Variants in CLCN5 observed in about 807,000 individuals in gnomAD.
The protein encoded by CLCN5 is H(+)/Cl(-) exchange transporter 5.
CLCN5 carries 17 observed loss-of-function variants against 54.0 expected under a neutral mutation model. That is an observed-to-expected ratio of 0.31 (90% CI 0.22 to 0.47). CLCN5 has a LOEUF of 0.47. CLCN5 is among the 20% of genes least tolerant of loss of function. CLCN5 has a pLI of 1.00. For missense variants in CLCN5, 448 were observed against 646.7 expected (o/e 0.69, Z 3.33); for synonymous variants, 222 against 233.0 (o/e 0.95, Z 0.43).
chrX:50,095,834 G>A lies in CLCN5; in HGVS notation c.*3615G>A, dbSNP rs1269186774. 8.9e-6 allele frequency: 1 copy of A among 112,574 alleles called. No individual in the cohort carries two copies. The highest frequency in any genetic ancestry group is 3.2e-5 in the African/African-American group (1 of 30,963). 9.3% of individuals were successfully genotyped at this position (112,574 alleles called of 1,213,427 possible). On this transcript the variant is annotated 3_prime_UTR_variant, in exon 15 of 15. Coordinates refer to ENST00000376091, the MANE Select transcript of CLCN5 (RefSeq NM_001127898.4). The stretch of plus-strand genomic sequence containing the variant: ...AATTAACCACTGCTATATGTTTTAA[G>A]TAGTTCAATCACCTGTTGTGGTTCA...
chrX:50,055,718 C>A, intron 4 of CLCN5, among the ~76,000 whole-genome samples: 1 of 111,807 alleles, frequency 8.9e-6, no homozygotes. Context: ...CTCCCTTGTT[C>A]TTCCCACTCC....
At chrX:50,049,303 A>G (rs781827047) in intron 4 of CLCN5, among the ~76,000 whole-genome samples, 43 of 112,146 alleles carry the variant, frequency 3.8e-4, no homozygotes, top group Non-Finnish European at 6.6e-4. Flanking sequence ...AACATGCTGT[A>G]CAGGTTTGTA....
chrX:50,039,989 G>A (rs185986251), intron 3 of CLCN5, among the ~76,000 whole-genome samples: 20 of 111,964 alleles, frequency 1.8e-4, no homozygotes, highest in African/African-American at 5.5e-4. Context: ...CACCATGCCC[G>A]GCTGATTTTC....
chrX:50,085,856 G>T, intron 9 of CLCN5, 124 bp from the exon 10 acceptor site: 1 of 610,578 alleles, frequency 1.6e-6, no homozygotes, highest in South Asian at 2.3e-5. Flanking sequence ...TGTTTTTGAT[G>T]ATATGGAACA....
At chrX:50,032,338 A>G (rs1345612446) in intron 3 of CLCN5, among the ~76,000 whole-genome samples, 1 of 111,531 alleles carries the variant, frequency 9.0e-6, no homozygotes, top group South Asian at 3.8e-4. Context: ...TCCCACCAAC[A>G]GTGAAAAAGT....
intron 3 of CLCN5, among the ~76,000 whole-genome samples, chrX:49,988,576 C>G (rs781833832): frequency 1.7e-4 from 19 of 111,449 alleles, no homozygotes; most frequent in Admixed American, 9.6e-5. Flanking sequence ...TACCACCACT[C>G]TTTCTCAAGG....
intron 4 of CLCN5, among the ~76,000 whole-genome samples, chrX:50,063,980 CAAT>C (rs1932915203): frequency 9.2e-6 from 1 of 108,379 alleles, no homozygotes; most frequent in Admixed American, 9.8e-5. Flanking sequence ...TAAAAACTCT[CAAT>C]AAATTAGGTA....
At chrX:50,022,856 T>A (rs1602059870) in intron 3 of CLCN5, among the ~76,000 whole-genome samples, 2 of 73,875 alleles carry the variant, frequency 2.7e-5, no homozygotes, top group Admixed American at 2.9e-4. Flanking sequence ...TTGTTATAAT[T>A]TCTGTTCTTT....
At chrX:49,945,533 T>G (rs1306977429) in intron 3 of CLCN5, 1 of 107,532 alleles carries the variant, frequency 9.3e-6, no homozygotes, top group African/African-American at 3.4e-5. Context: ...AACCTCCGAC[T>G]CCCTGGTTCA....
chrX:49,993,715 T>C (rs539839164), intron 3 of CLCN5, among the ~76,000 whole-genome samples: 1 of 111,926 alleles, frequency 8.9e-6, no homozygotes, highest in African/African-American at 3.2e-5. Context: ...AGGGAAAATA[T>C]CATGAAAGAA....
At chrX:50,027,990 T>C (rs1283626580) in intron 3 of CLCN5, among the ~76,000 whole-genome samples, 3 of 111,798 alleles carry the variant, frequency 2.7e-5, no homozygotes, top group African/African-American at 9.8e-5. Flanking sequence ...TACAGTTCTT[T>C]CAGTCATATT....
At position 49,930,986 on chromosome X, in the gene CLCN5, C is replaced by G. The variant is rs188104254; in HGVS notation, c.16+5672C>G. On this transcript the variant is annotated intron_variant, in intron 3 of 14. Coordinates refer to ENST00000376091, the MANE Select transcript of CLCN5 (RefSeq NM_001127898.4). ...AAATAGGGATAAAATAGTAGCTAAC[C>G]TAATAGTTCCTAGCTAGTGTGCCCA... Among the ~76,000 whole-genome samples, 184 of 111,112 alleles carry G rather than the reference C, an allele frequency of 1.7e-3. 1 individual carries two copies. Among genetic ancestry groups the G allele is most frequent in the Non-Finnish European group, 3.0e-3 (159 of 53,017 alleles).
Position 50,092,670 on chromosome X carries a change from C to A in CLCN5, c.*451C>A. On this transcript the variant is annotated 3_prime_UTR_variant, in exon 15 of 15. Coordinates refer to ENST00000376091, the MANE Select transcript of CLCN5 (RefSeq NM_001127898.4). ...GTGTAAACTAAGGGGCTTTGCTTTT[C>A]AAACCAGAGAAAGGAAAGCCAGAAG... The A allele has an allele frequency of 7.9e-6, 1 of 127,337 alleles. No homozygotes were observed. The allele number at this position is 127,337 out of a possible 1,213,427, so 10.5% of individuals were successfully genotyped here.
intron 3 of CLCN5, among the ~76,000 whole-genome samples, chrX:49,986,948 A>G (rs934131208): frequency 7.1e-5 from 8 of 111,959 alleles, no homozygotes; most frequent in South Asian, 3.7e-4. Flanking sequence ...ATGCTGGTGT[A>G]AGGTATATAT....
intron 3 of CLCN5, among the ~76,000 whole-genome samples, chrX:50,036,237 A>G (rs1036727433): frequency 6.2e-5 from 7 of 112,586 alleles, no homozygotes; most frequent in South Asian, 7.3e-4. Context: ...AAAATGGGCA[A>G]TATCACTTGC....
rs1377057402 is a variant in CLCN5 at position 50,097,743 on chromosome X, T to TA, written c.*5525dup. 1 of 111,392 alleles carries TA rather than the reference T, an allele frequency of 9.0e-6. No individual in the cohort carries two copies. Among genetic ancestry groups the TA allele is most frequent in the Non-Finnish European group, 1.9e-5 (1 of 53,105 alleles). The allele number at this position is 111,392 out of a possible 1,213,427, so 9.2% of individuals were successfully genotyped here. The stretch of plus-strand genomic sequence containing the variant: ...TGTTCTGAGAACAGAAACTGGAAGA[T>TA]ACGTCTGAGTTGATGGGACCAACAG... On this transcript the variant is annotated 3_prime_UTR_variant, in exon 15 of 15. Transcript: ENST00000376091.
intron 3 of CLCN5, among the ~76,000 whole-genome samples, chrX:50,033,400 A>G (rs1216089322): frequency 9.0e-6 from 1 of 111,698 alleles, no homozygotes; most frequent in Admixed American, 9.5e-5. Context: ...CCAAATCATG[A>G]GTGAACTCCC....
chrX:49,994,519 G>T (rs1361985428), intron 3 of CLCN5, among the ~76,000 whole-genome samples: 1 of 108,238 alleles, frequency 9.2e-6, no homozygotes, highest in Non-Finnish European at 1.9e-5. Context: ...GATGCCAAAA[G>T]AAGAAATTGA....
chrX:50,074,901 T>A (rs781919343), intron 6 of CLCN5, among the ~76,000 whole-genome samples: 1 of 111,983 alleles, frequency 8.9e-6, no homozygotes, highest in African/African-American at 3.2e-5. Context: ...TTAATTTCTT[T>A]ATGCCAGAGT....
Sources: allele counts gnomAD v4.1 joint callset (sites outside exome capture counted in the v4.1 genomes callset), GRCh38; gene constraint gnomAD v4.1.1; transcripts MANE v1.5; gene names NCBI Gene and HGNC (gene_info 2026-07-23, HGNC 2026-07-21).